NME3: variants seen among roughly 807,000 people sequenced by gnomAD.
NME3 encodes the protein nucleoside diphosphate kinase C.
Under a neutral mutation model 15.8 loss-of-function variants are expected in NME3, and 23 were observed. The observed-to-expected ratio is 1.45, with a 90% CI of 1.05 to 2.06. The LOEUF (loss-of-function observed/expected upper bound fraction) is 2.06, where lower values mean the gene tolerates loss of function less well. Among genes scored for constraint, NME3 ranks in the 30% most tolerant of loss-of-function variants. NME3 has a pLI of 0.00. For synonymous variants in NME3, 157 were observed against 104.4 expected, an observed-to-expected ratio of 1.50 and a Z score of -3.07; for missense variants, 354 against 243.2, an observed-to-expected ratio of 1.46 and a Z score of -3.03.
In NME3 at chr16:1,770,678, C is replaced by A; in HGVS notation, c.481G>T (p.Asp161Tyr). 6.3e-7 allele frequency: 1 copy of A among 1,584,820 alleles called. No homozygotes were observed. Among genetic ancestry groups the A allele is most frequent in the Non-Finnish European group, 8.6e-7 (1 of 1,166,406 alleles). ...FRADELLCWE[D>Y]SAGHWLYE ...TCATACAGCCAGTGCCCAGCGCTGT[C>A]CTCCCAGCAGAGGAGCTCGTCTGCG... The change falls in exon 5 of 5, where the codon GAC becomes TAC. Residue 161 changes from aspartate to tyrosine, a missense_variant. Coordinates refer to ENST00000219302, the MANE Select transcript of NME3 (RefSeq NM_002513.3).
chr16:1,771,520 C>T lies in NME3; in HGVS notation c.15G>A (p.Val5=). ...GGAAGAGGTTAGCGAAGATGGTCAG[C>T]ACCAGGCAGATCATGATGGCGGTGC... MICL[V]LTIFANLFPA... is the part of the protein sequence containing the mutation. Residue 5 remains valine (V), a synonymous_variant, in exon 1 of 5, where the codon GTG becomes GTA. Coordinates refer to ENST00000219302, the MANE Select transcript of NME3 (RefSeq NM_002513.3). The T allele has an allele frequency of 7.3e-6, 9 of 1,239,922 alleles. No homozygotes were observed. The highest frequency in any genetic ancestry group is 3.0e-5 in the South Asian group (1 of 33,252). The allele number at this position is 1,239,922 out of a possible 1,614,324, so 76.8% of individuals were successfully genotyped here. A position where few individuals can be genotyped will look rare whatever the true frequency, so the allele number is the denominator to read the frequency against.
rs761154734 is a variant in NME3, at chr16:1,770,777, G to A, written c.393-11C>T. The A allele has an allele frequency of 1.1e-5, 17 of 1,599,610 alleles. No individual in the cohort carries two copies. Among genetic ancestry groups the A allele is most frequent in the Admixed American group, 3.4e-5 (2 of 59,138 alleles). On this transcript the variant is annotated splice_polypyrimidine_tract_variant and intron_variant, in intron 4 of 4. Transcript: ENST00000219302. ...CCGTGAATCAGGTTCCTGCGCGGAA[G>A]AGGCGCGTGTGAGCGTGGGAAAGAG...
At position 1,770,495 on chromosome 16, in the gene NME3, T is replaced by C. The variant is rs1044203795; in HGVS notation, c.*154A>G. 1.0e-5 allele frequency: 6 copies of C among 595,602 alleles called. No individual in the cohort carries two copies. The highest frequency in any genetic ancestry group is 9.5e-5 in the African/African-American group (5 of 52,456). The allele number at this position is 595,602 out of a possible 1,614,324, so 36.9% of individuals were successfully genotyped here. A position where few individuals can be genotyped will look rare whatever the true frequency, so the allele number is the denominator to read the frequency against. ...CTGTACGCCAGGGATTGGAGAGGCCTGCGCCACCCTCCATGCAACGTCCAG... is the reference window on the plus strand; with the variant it reads ...CTGTACGCCAGGGATTGGAGAGGCCCGCGCCACCCTCCATGCAACGTCCAG... On this transcript the variant is annotated 3_prime_UTR_variant, in exon 5 of 5. Coordinates refer to ENST00000219302, the MANE Select transcript of NME3 (RefSeq NM_002513.3).
Position 1,770,574 on chromosome 16 carries a change from G to A in NME3, c.*75C>T. 1.7e-6 allele frequency: 2 copies of A among 1,151,306 alleles called. No homozygotes were observed. The highest frequency in any genetic ancestry group is 2.4e-6 in the Non-Finnish European group (2 of 821,900). The allele number at this position is 1,151,306 out of a possible 1,614,324, so 71.3% of individuals were successfully genotyped here. ...AGGGATGCTCCAAGCGCTGTGGGGT[G>A]GGGCCAGAAGCCCGCCCACCTGGGC... On this transcript the variant is annotated 3_prime_UTR_variant, in exon 5 of 5. Coordinates refer to ENST00000219302, the MANE Select transcript of NME3 (RefSeq NM_002513.3).
intron 2 of NME3, 26 bp downstream of exon 2, chr16:1,771,254 C>T (rs374036174): frequency 1.6e-4 from 248 of 1,586,516 alleles, no homozygotes; most frequent in Non-Finnish European, 2.0e-4. Flanking sequence ...CCACACCGCG[C>T]CCCCGCTCGC....
At position 1,771,301 on chromosome 16, in the gene NME3, C is replaced by T. The variant is rs766470869; in HGVS notation, c.156G>A (p.Leu52=). 1.9e-5 allele frequency: 30 copies of T among 1,606,186 alleles called. No individual in the cohort carries two copies. Among genetic ancestry groups the T allele is most frequent in the East Asian group, 2.2e-5 (1 of 44,644 alleles). ...CCACCTGCACCAGCTTCAGCGCCAC[C>T]AACTTGAAGCCCTTCCTCTCGAAGC... ...VRRFERKGFK[L]VALKLVQASE... The change falls in exon 2 of 5, where the codon TTG becomes TTA. Residue 52 remains leucine, a synonymous_variant. Coordinates refer to ENST00000219302, the MANE Select transcript of NME3 (RefSeq NM_002513.3).
chr16:1,771,379 C>A lies in NME3; in HGVS notation c.78G>T (p.Leu26=), dbSNP rs1054423223. 54 of 1,563,682 alleles carry A rather than the reference C, an allele frequency of 3.5e-5. No homozygotes were observed. Among genetic ancestry groups the A allele is most frequent in the Non-Finnish European group, 4.7e-5 (54 of 1,155,956 alleles). ...ACTGAHERTF[L]AVKPDGVQRR... ...GCTGCACGCCGTCCGGCTTCACGGC[C>A]AGGAAGGTGCGTTCGTGTGCGCCGG... The change falls in exon 2 of 5, where the codon CTG becomes CTT. Residue 26 remains leucine, a synonymous_variant. Transcript: ENST00000219302.
chr16:1,770,636 C>T lies in NME3; in HGVS notation c.*13G>A. The T allele has an allele frequency of 1.2e-5, 19 of 1,557,504 alleles. No homozygotes were observed. Among genetic ancestry groups the T allele is most frequent in the South Asian group, 3.5e-5 (3 of 85,864 alleles). On this transcript the variant is annotated 3_prime_UTR_variant, in exon 5 of 5. Coordinates refer to ENST00000219302, the MANE Select transcript of NME3 (RefSeq NM_002513.3). Reference sequence around the variant, plus strand: ...CTGGAGTGTGAGAGCCTCTGTGACGCGCATCTGCCGGGCTACTCATACAGC... The same window carrying T: ...CTGGAGTGTGAGAGCCTCTGTGACGTGCATCTGCCGGGCTACTCATACAGC...
rs1331071135 is a variant in NME3, at chr16:1,771,350, C to T, written c.107G>A (p.Arg36Gln). The change falls in exon 2 of 5, where the codon CGG becomes CAG. Residue 36 changes from arginine (R) to glutamine (Q), a missense_variant. Coordinates refer to ENST00000219302, the MANE Select transcript of NME3 (RefSeq NM_002513.3). ...GCGCCGCACAATCTCGCCCACCAGC[C>T]GCCGCTGCACGCCGTCCGGCTTCAC... Reference protein sequence around the residue: ...LAVKPDGVQRRLVGEIVRRFE... With the variant: ...LAVKPDGVQRQLVGEIVRRFE... 4 of 1,589,336 alleles carry T rather than the reference C, an allele frequency of 2.5e-6. No homozygotes were observed. Among genetic ancestry groups the T allele is most frequent in the Non-Finnish European group, 2.6e-6 (3 of 1,169,486 alleles).
At position 1,771,219 on chromosome 16, in the gene NME3, C is replaced by T. The variant is rs760286059; in HGVS notation, c.178-48G>A. 5.7e-6 allele frequency: 9 copies of T among 1,567,340 alleles called. No individual in the cohort carries two copies. In the South Asian group the frequency reaches 8.0e-5, roughly 14 times the overall value. ...GCGCCCGCACCCGGCACCTAGGCGTCCCCAGGTCCCCGCTCCCCTTCCCCC... is the reference window on the plus strand; with the variant it reads ...GCGCCCGCACCCGGCACCTAGGCGTTCCCAGGTCCCCGCTCCCCTTCCCCC... On this transcript the variant is annotated intron_variant, in intron 2 of 4. Transcript: ENST00000219302.
Position 1,771,059 on chromosome 16 carries a change from C to G in NME3, c.279+11G>C, listed in dbSNP as rs777829852. On this transcript the variant is annotated intron_variant, in intron 3 of 4. Transcript: ENST00000219302. The stretch of plus-strand genomic sequence containing the variant: ...GTCCCGGAGCCGCCCGCCCGCTTCC[C>G]GGATACTCACCATGGCCACCACCGG... 1.2e-6 allele frequency: 2 copies of G among 1,603,084 alleles called. No individual in the cohort carries two copies. Among genetic ancestry groups the G allele is most frequent in the East Asian group, 2.2e-5 (1 of 44,502 alleles).
Position 1,771,131 on chromosome 16 carries a change from C to T in NME3, c.218G>A (p.Arg73His), listed in dbSNP as rs2042587112. Residue 73 changes from arginine (R) to histidine (H), a missense_variant, in exon 3 of 5, where the codon CGT becomes CAT. Coordinates refer to ENST00000219302, the MANE Select transcript of NME3 (RefSeq NM_002513.3). ...AAGGCGGCCGTAGAACGGGCGTTCA[C>T]GCAGCTCGGCGTAGTGCTCACGCAG... Reference protein sequence around the residue: ...ELLREHYAELRERPFYGRLVK... With the variant: ...ELLREHYAELHERPFYGRLVK... 2 of 1,608,626 alleles carry T rather than the reference C, an allele frequency of 1.2e-6. No individual in the cohort carries two copies. The highest frequency in any genetic ancestry group is 1.7e-6 in the Non-Finnish European group (2 of 1,179,008).
rs759960270 is a variant in NME3, at chr16:1,771,175, C to A, written c.178-4G>T. 1 of 1,597,418 alleles carries A rather than the reference C, an allele frequency of 6.3e-7. No homozygotes were observed. The highest frequency in any genetic ancestry group is 1.3e-5 in the African/African-American group (1 of 74,712). On this transcript the variant is annotated splice_polypyrimidine_tract_variant and splice_region_variant and intron_variant, in intron 2 of 4. Coordinates refer to ENST00000219302, the MANE Select transcript of NME3 (RefSeq NM_002513.3). ...CACGCAGCAGCTCCTCGGAGGCCTG[C>A]GGAAGGGTCAGGCCGCCTGCGCCCG...
rs1312756228 is a variant in NME3, at chr16:1,770,747, C to T, written c.412G>A (p.Asp138Asn). The change falls in exon 5 of 5, where the codon GAC (aspartate) becomes AAC (asparagine). Residue 138 changes from aspartate to asparagine, a missense_variant. Coordinates refer to ENST00000219302, the MANE Select transcript of NME3 (RefSeq NM_002513.3). ...EVGKNLIHGS[D>N]SVESARREIA... The stretch of plus-strand genomic sequence containing the variant: ...TCGCGGCGGGCACTCTCCACCGAGT[C>T]GCTGCCGTGAATCAGGTTCCTGCGC... The T allele has an allele frequency of 6.3e-7, 1 of 1,598,790 alleles. No homozygotes were observed. The highest frequency in any genetic ancestry group is 8.5e-7 in the Non-Finnish European group (1 of 1,174,034).
In NME3 at chr16:1,771,488, C is replaced by T. The variant is rs2042602282; in HGVS notation, c.46+1G>A. ...CCCCCGGCCCGCGCCGCGCGGCTCACCCGCGGGGAAGAGGTTAGCGAAGAT... is the reference window on the plus strand; with the variant it reads ...CCCCCGGCCCGCGCCGCGCGGCTCATCCGCGGGGAAGAGGTTAGCGAAGAT... On this transcript the variant is annotated splice_donor_variant, in intron 1 of 4. Coordinates refer to ENST00000219302, the MANE Select transcript of NME3 (RefSeq NM_002513.3). LOFTEE classifies it high-confidence loss of function. 2 of 1,320,260 alleles carry T rather than the reference C, an allele frequency of 1.5e-6. No homozygotes were observed. Among genetic ancestry groups the T allele is most frequent in the South Asian group, 2.5e-5 (1 of 40,540 alleles). The allele number at this position is 1,320,260 out of a possible 1,614,324, so 81.8% of individuals were successfully genotyped here.
At chr16:1,771,210 C>T in intron 2 of NME3, 39 bp from the exon 3 acceptor site, 2 of 1,575,010 alleles carry the variant, frequency 1.3e-6, no homozygotes, top group Non-Finnish European at 1.7e-6. Context: ...GCACCCGGCA[C>T]CTAGGCGTCC....
Position 1,771,052 on chromosome 16 carries a change from C to T in NME3, c.279+18G>A. 1 of 1,599,738 alleles carries T rather than the reference C, an allele frequency of 6.3e-7. No individual in the cohort carries two copies. ...GGTGGGGGTCCCGGAGCCGCCCGCC[C>T]GCTTCCCGGATACTCACCATGGCCA... On this transcript the variant is annotated intron_variant, in intron 3 of 4. Transcript: ENST00000219302.
In NME3 at chr16:1,771,169, GGCCTGCGGAAGGGTCAGGCC is replaced by G; in HGVS notation, c.178-18_179del. ...AGTGCTCACGCAGCAGCTCCTCGGA[GGCCTGCGGAAGGGTCAGGCC>G]GCCTGCGCCCGCACCCGGCACCTAG... On this transcript the variant is annotated splice_acceptor_variant and splice_polypyrimidine_tract_variant and coding_sequence_variant and intron_variant, in exon 3 of 5. Coordinates refer to ENST00000219302, the MANE Select transcript of NME3 (RefSeq NM_002513.3). LOFTEE classifies it high-confidence loss of function. The G allele has an allele frequency of 1.2e-6, 2 of 1,600,844 alleles. No homozygotes were observed. Among genetic ancestry groups the G allele is most frequent in the Non-Finnish European group, 1.7e-6 (2 of 1,176,756 alleles).
In NME3 at chr16:1,771,105, C is replaced by G. The variant is rs773974633; in HGVS notation, c.244G>C (p.Val82Leu). The change falls in exon 3 of 5, where the codon GTC becomes CTC. Residue 82 changes from valine to leucine, a missense_variant. Val to Leu is a conservative substitution (Grantham distance 32). Coordinates refer to ENST00000219302, the MANE Select transcript of NME3 (RefSeq NM_002513.3). ...ACCGGCCCGGAGGCCATATACTTGA[C>G]AAGGCGGCCGTAGAACGGGCGTTCA... ...LRERPFYGRL[V>L]KYMASGPVVA... 1 of 1,610,138 alleles carries G rather than the reference C, an allele frequency of 6.2e-7. No individual in the cohort carries two copies. The highest frequency in any genetic ancestry group is 2.2e-5 in the East Asian group (1 of 44,818).
Sources: gnomAD v4.1 joint callset for allele counts on GRCh38, gnomAD v4.1.1 for gene constraint, MANE v1.5 for transcripts, NCBI Gene and HGNC (gene_info 2026-07-23, HGNC 2026-07-21) for gene names.